Variants in TENM3 observed in about 807,000 individuals in gnomAD.
TENM3 encodes teneurin-3.
A neutral mutation model predicts 255.1 loss-of-function variants in TENM3; 63 were observed. That is an observed-to-expected ratio of 0.25 (90% CI 0.20 to 0.30). The LOEUF (loss-of-function observed/expected upper bound fraction) is 0.30. TENM3 is among the 10% of genes least tolerant of loss of function. The probability of loss-of-function intolerance (pLI) is 1.00; values close to 1 mark genes in which losing one functional copy is unlikely to be tolerated. For synonymous variants in TENM3, 1,306 were observed against 1,322.3 expected, an observed-to-expected ratio of 0.99 and a Z score of 0.27; for missense variants, 2,929 against 3,461.1, an observed-to-expected ratio of 0.85 and a Z score of 3.86.
chr4:182,656,753 A>G (rs1029438972), intron 6 of TENM3, among the ~76,000 whole-genome samples: 22 of 152,202 alleles, frequency 1.4e-4, no homozygotes, highest in African/African-American at 5.1e-4. Flanking sequence ...CTTATTTTGT[A>G]AATATAATTC....
At chr4:182,375,965 G>A (rs1247287546) in intron 3 of TENM3, among the ~76,000 whole-genome samples, 1 of 152,068 alleles carries the variant, frequency 6.6e-6, no homozygotes, top group African/African-American at 2.4e-5. Context: ...CCTTATGATA[G>A]TTTCTTCTTA....
At chr4:181,899,523 G>T in the TENM3 span, among the ~76,000 whole-genome samples, 1 of 151,740 alleles carries the variant, frequency 6.6e-6, no homozygotes, top group Non-Finnish European at 1.5e-5. Flanking sequence ...TCTTTTATTT[G>T]TTTTGTTGTT....
At chr4:182,365,706 A>T (rs1049825709) in intron 3 of TENM3, among the ~76,000 whole-genome samples, 1 of 152,338 alleles carries the variant, frequency 6.6e-6, no homozygotes, top group Middle Eastern at 3.4e-3. Context: ...CAAAAGATGC[A>T]GGAGATACAT....
intron 3 of TENM3, among the ~76,000 whole-genome samples, chr4:182,387,192 A>G (rs1768010989): frequency 6.6e-6 from 1 of 151,634 alleles, no homozygotes; most frequent in Non-Finnish European, 1.5e-5. Flanking sequence ...AAATACACCA[A>G]TCGGCAATCT....
At chr4:181,599,340 A>T in the TENM3 span, among the ~76,000 whole-genome samples, 1 of 152,246 alleles carries the variant, frequency 6.6e-6, no homozygotes, top group African/African-American at 2.4e-5. Flanking sequence ...TAAATGCCAC[A>T]TTAAAAAACG....
At chr4:182,673,934 C>T (rs1424015055) in intron 7 of TENM3, among the ~76,000 whole-genome samples, 2 of 152,084 alleles carry the variant, frequency 1.3e-5, no homozygotes, top group South Asian at 2.1e-4. Flanking sequence ...AATACAGTAC[C>T]GGGTCATAGT....
the TENM3 span, among the ~76,000 whole-genome samples, chr4:181,582,674 A>C: frequency 2.1e-5 from 3 of 144,828 alleles, no homozygotes; most frequent in Non-Finnish European, 4.5e-5. Flanking sequence ...CAAATCAAAA[A>C]AAAAAAAAAA....
the TENM3 span, among the ~76,000 whole-genome samples, chr4:182,091,722 G>T: frequency 6.6e-6 from 1 of 152,134 alleles, no homozygotes; most frequent in Non-Finnish European, 1.5e-5. Context: ...GAAATAGAGG[G>T]TCTTTTTGCC....
the TENM3 span, among the ~76,000 whole-genome samples, chr4:182,069,300 G>T: frequency 6.6e-6 from 1 of 152,066 alleles, no homozygotes; most frequent in Non-Finnish European, 1.5e-5. Flanking sequence ...GCATTCCATG[G>T]TACAGTATTT....
At chr4:181,770,674 CAAAAAAAAAAA>C in the TENM3 span, among the ~76,000 whole-genome samples, 4 of 76,620 alleles carry the variant, frequency 5.2e-5, no homozygotes, top group Non-Finnish European at 9.6e-5. Flanking sequence ...GACTCTGTCT[CAAAAAAAAAAA>C]AAAAAAAAAA....
intron 1 of TENM3, among the ~76,000 whole-genome samples, chr4:182,156,813 C>A (rs1750738318): frequency 6.6e-6 from 1 of 152,140 alleles, no homozygotes; most frequent in African/African-American, 2.4e-5. Context: ...TCACTCAAAT[C>A]CAGCCCCACC....
intron 22 of TENM3, among the ~76,000 whole-genome samples, chr4:182,761,575 C>T (rs1763196724): frequency 2.6e-5 from 4 of 151,714 alleles, no homozygotes; most frequent in Non-Finnish European, 2.9e-5. Flanking sequence ...AAAAACTGAG[C>T]AGCCCACTTT....
intron 1 of TENM3, among the ~76,000 whole-genome samples, chr4:182,257,490 C>A (rs554621332): frequency 1.3e-5 from 2 of 152,170 alleles, no homozygotes; most frequent in Admixed American, 1.3e-4. Flanking sequence ...GGGAAAAAAG[C>A]AAAATAATGA....
At chr4:182,377,799 T>C (rs1357815028) in intron 3 of TENM3, among the ~76,000 whole-genome samples, 2 of 152,184 alleles carry the variant, frequency 1.3e-5, no homozygotes, top group Non-Finnish European at 2.9e-5. Context: ...GAGAGCCTGG[T>C]GATGCTAGCA....
At chr4:182,727,996 G>A (rs1760361451) in intron 13 of TENM3, among the ~76,000 whole-genome samples, 1 of 151,916 alleles carries the variant, frequency 6.6e-6, no homozygotes, top group Admixed American at 6.6e-5. Flanking sequence ...GAGTAGCTGG[G>A]ACAACAGGCA....
intron 3 of TENM3, among the ~76,000 whole-genome samples, chr4:182,516,973 C>T (rs1738030108): frequency 6.6e-6 from 1 of 151,340 alleles, no homozygotes; most frequent in Non-Finnish European, 1.5e-5. Flanking sequence ...GGTACATCCT[C>T]TTTGGAGTAG....
At chr4:181,847,325 T>C in the TENM3 span, among the ~76,000 whole-genome samples, 1 of 152,336 alleles carries the variant, frequency 6.6e-6, no homozygotes, top group South Asian at 2.1e-4. Context: ...AGGGTCACTA[T>C]TTTCTTTTAA....
At chr4:182,022,169 A>G in the TENM3 span, among the ~76,000 whole-genome samples, 1 of 97,886 alleles carries the variant, frequency 1.0e-5, no homozygotes, top group Non-Finnish European at 2.2e-5. Flanking sequence ...GGTGGATTGG[A>G]TAAAAAAAAA....
the TENM3 span, among the ~76,000 whole-genome samples, chr4:182,112,878 A>G: frequency 6.6e-6 from 1 of 152,176 alleles, no homozygotes; most frequent in South Asian, 2.1e-4. Flanking sequence ...AAAAAGGTCA[A>G]TATTATTGCT....
Sources: gnomAD v4.1 joint callset for allele counts (sites outside exome capture counted in the v4.1 genomes callset) on GRCh38, gnomAD v4.1.1 for gene constraint, MANE v1.5 for transcripts, NCBI Gene and HGNC (gene_info 2026-07-23, HGNC 2026-07-21) for gene names.